The following NCOA2 variants were observed in gnomAD, a reference collection of about 807,000 sequenced individuals.
The protein encoded by NCOA2 is nuclear receptor coactivator 2.
NCOA2 carries 21 observed loss-of-function variants against 145.1 expected under a neutral mutation model. That is an observed-to-expected ratio of 0.14 (90% CI 0.10 to 0.21). The LOEUF is 0.21. Among genes scored for constraint, NCOA2 ranks in the 10% least tolerant of loss-of-function variants. NCOA2 has a pLI of 1.00. For synonymous variants in NCOA2, 619 were observed against 637.5 expected (o/e 0.97, Z 0.44); for missense variants, 1,472 against 1,837.6 (o/e 0.80, Z 3.64).
chr8:70,389,358 G>A (rs565965070), intron 1 of NCOA2, among the ~76,000 whole-genome samples: 2 of 151,822 alleles, frequency 1.3e-5, no homozygotes, highest in Admixed American at 6.6e-5. Flanking sequence ...TCAGCTCACC[G>A]CAACCTCCGC....
At chr8:70,384,160 G>A (rs371496899) in intron 1 of NCOA2, among the ~76,000 whole-genome samples, 5 of 152,056 alleles carry the variant, frequency 3.3e-5, no homozygotes, top group African/African-American at 1.2e-4. Flanking sequence ...TAAACTGTAC[G>A]GCAAAGGCTG....
chr8:70,260,013 C>T (rs966185851), intron 2 of NCOA2, among the ~76,000 whole-genome samples: 1 of 152,192 alleles, frequency 6.6e-6, no homozygotes, highest in African/African-American at 2.4e-5. Flanking sequence ...AAGACAACTC[C>T]TCTAACTCAT....
At chr8:70,336,598 GAC>G (rs1261556863) in intron 1 of NCOA2, among the ~76,000 whole-genome samples, 1 of 133,000 alleles carries the variant, frequency 7.5e-6, no homozygotes, top group African/African-American at 3.5e-5. Flanking sequence ...TGGCAGGAGA[GAC>G]AGAGACAGAG....
intron 1 of NCOA2, among the ~76,000 whole-genome samples, chr8:70,335,148 AAAAAAG>A (rs1477906315): frequency 3.7e-4 from 56 of 149,936 alleles, no homozygotes; most frequent in Middle Eastern, 3.4e-3. Context: ...AAAAAAAAAA[AAAAAAG>A]ATCTCTCCCT....
In NCOA2 at chr8:70,180,379, G is replaced by A. The variant is rs555427731; in HGVS notation, c.260-5520C>T. ...TCCCTCACAATCTCCTTCTCCATTT[G>A]CCCGCGCTCCAGAAATCCAACACCA... is the stretch of plus-strand genomic sequence containing the variant. On this transcript the variant is annotated intron_variant, in intron 4 of 22. Transcript: ENST00000452400. Among the ~76,000 whole-genome samples, 10 of 152,176 alleles carry A rather than the reference G, an allele frequency of 6.6e-5. 1 individual carries two copies. Among genetic ancestry groups the A allele is most frequent in the Middle Eastern group, 3.4e-3 (1 of 294 alleles).
intron 2 of NCOA2, among the ~76,000 whole-genome samples, chr8:70,234,677 G>A (rs1195307017): frequency 6.6e-6 from 1 of 152,116 alleles, no homozygotes; most frequent in Admixed American, 6.5e-5. Context: ...TTGGAGAGGT[G>A]CCTACTCAAA....
intron 2 of NCOA2, among the ~76,000 whole-genome samples, chr8:70,296,229 G>C (rs796823922): frequency 4.6e-5 from 7 of 152,284 alleles, no homozygotes; most frequent in African/African-American, 1.7e-4. Context: ...ATCAATTTCA[G>C]CTGTGTGATA....
chr8:70,178,098 G>C (rs772039217), intron 4 of NCOA2, among the ~76,000 whole-genome samples: 1 of 152,080 alleles, frequency 6.6e-6, no homozygotes, highest in African/African-American at 2.4e-5. Context: ...CTTACACTTA[G>C]ATAACTCAAT....
intron 1 of NCOA2, among the ~76,000 whole-genome samples, chr8:70,316,759 G>A (rs78091825): frequency 0.065 from 9,880 of 152,226 alleles, 506 homozygotes; most frequent in Middle Eastern, 0.092. Flanking sequence ...GAAAGTAACC[G>A]AAGTAACCTG....
intron 2 of NCOA2, among the ~76,000 whole-genome samples, chr8:70,231,372 G>GTA (rs2134226216): frequency 6.6e-6 from 1 of 152,296 alleles, no homozygotes; most frequent in East Asian, 1.9e-4. Flanking sequence ...TATGCCATAG[G>GTA]TGCAATATGT....
At chr8:70,413,386 G>A in the NCOA2 span, among the ~76,000 whole-genome samples, 2 of 152,086 alleles carry the variant, frequency 1.3e-5, no homozygotes, top group Non-Finnish European at 1.5e-5. Flanking sequence ...ACATTTTTAA[G>A]ATTCCATGCA....
At chr8:70,172,291 C>T (rs1814342618) in intron 5 of NCOA2, among the ~76,000 whole-genome samples, 1 of 152,224 alleles carries the variant, frequency 6.6e-6, no homozygotes, top group African/African-American at 2.4e-5. Flanking sequence ...ATGAATGTCA[C>T]ATGTATACAC....
chr8:70,362,325 AAATC>A lies in NCOA2; in HGVS notation c.-77+41371_-77+41374del, dbSNP rs146363400. Reference sequence around the variant, plus strand: ...TTAAAACCTTTTTTCATATAGTATAAAATCAATGCTCAAAACAATCCATCAAAGA... The same window carrying A: ...TTAAAACCTTTTTTCATATAGTATAAAATGCTCAAAACAATCCATCAAAGA... On this transcript the variant is annotated intron_variant, in intron 1 of 22. Transcript: ENST00000452400. 5.9e-3 allele frequency among the ~76,000 whole-genome samples: 901 copies of A among 152,324 alleles called. 5 individuals carry two copies. The highest frequency in any genetic ancestry group is 0.02 in the African/African-American group (838 of 41,572).
chr8:70,220,725 G>A lies in NCOA2; in HGVS notation c.-19-3961C>T, dbSNP rs557398415. 2.0e-5 allele frequency among the ~76,000 whole-genome samples: 3 copies of A among 152,232 alleles called. No individual in the cohort carries two copies. The South Asian group carries it at 6.2e-4, about 32-fold the overall frequency. On this transcript the variant is annotated intron_variant, in intron 2 of 22. Transcript: ENST00000452400. ...TAATTTATAAGGTAACAAAGCTGTT[G>A]CTCTCAATACAACCTCATACCATTA...
chr8:70,355,339 C>T (rs766152344), intron 1 of NCOA2, among the ~76,000 whole-genome samples: 1 of 152,164 alleles, frequency 6.6e-6, no homozygotes, highest in Non-Finnish European at 1.5e-5. Flanking sequence ...CAGAATATCT[C>T]GCAAACACCT....
rs1554641448 is a variant in NCOA2 at position 70,384,270 on chromosome 8, A to AC, written c.-77+19429_-77+19430insG. ...TTATATTCAAACTCCAAAAAAAAAAAACACACACACAAATACTTGATTTTG... is the reference window on the plus strand; with the variant it reads ...TTATATTCAAACTCCAAAAAAAAAAACACACACACACAAATACTTGATTTTG... On this transcript the variant is annotated intron_variant, in intron 1 of 22. Coordinates refer to ENST00000452400, the MANE Select transcript of NCOA2 (RefSeq NM_006540.4). Among the ~76,000 whole-genome samples, 204 of 152,066 alleles carry AC rather than the reference A, an allele frequency of 1.3e-3. 1 individual carries two copies. Among genetic ancestry groups the AC allele is most frequent in the African/African-American group, 3.9e-3 (163 of 41,534 alleles).
the NCOA2 span, among the ~76,000 whole-genome samples, chr8:70,454,721 C>T: frequency 4.6e-5 from 7 of 152,170 alleles, no homozygotes; most frequent in African/African-American, 1.7e-4. Flanking sequence ...AACCATTCCA[C>T]GAGACAGGAT....
chr8:70,378,370 G>A (rs1295788557), intron 1 of NCOA2, among the ~76,000 whole-genome samples: 1 of 152,088 alleles, frequency 6.6e-6, no homozygotes, highest in Non-Finnish European at 1.5e-5. Flanking sequence ...TCTGACAGAT[G>A]CTTGGCTCTA....
intron 2 of NCOA2, among the ~76,000 whole-genome samples, chr8:70,281,832 T>C (rs971220665): frequency 2.6e-5 from 4 of 152,212 alleles, no homozygotes; most frequent in Non-Finnish European, 5.9e-5. Flanking sequence ...AAAGCCACTA[T>C]TAATCAGAAT....
Sources: gnomAD v4.1 joint callset for allele counts (sites outside exome capture counted in the v4.1 genomes callset) on GRCh38, gnomAD v4.1.1 for gene constraint, MANE v1.5 for transcripts, NCBI Gene and HGNC (gene_info 2026-07-23, HGNC 2026-07-21) for gene names.